Variants in SLC25A21 observed in about 807,000 individuals in gnomAD.
SLC25A21 encodes the protein mitochondrial 2-oxodicarboxylate carrier.
SLC25A21 carries 47 observed loss-of-function variants against 43.8 expected under a neutral mutation model. The observed-to-expected ratio is 1.07, with a 90% CI of 0.85 to 1.37. SLC25A21 has a LOEUF of 1.37. SLC25A21 is among the 40% of genes most tolerant of loss of function. The probability of loss-of-function intolerance (pLI) is 0.00; values close to 1 mark genes in which losing one functional copy is unlikely to be tolerated. For synonymous variants in SLC25A21, 131 were observed against 121.3 expected (o/e 1.08, Z -0.52); for missense variants, 352 against 350.2 (o/e 1.00, Z -0.04).
chr14:36,835,199 C>T (rs1889167503), intron 2 of SLC25A21, among the ~76,000 whole-genome samples: 1 of 152,196 alleles, frequency 6.6e-6, no homozygotes, highest in Admixed American at 6.5e-5. Context: ...GATAGGCTAA[C>T]CATTGCCTGA....
chr14:36,835,291 A>G (rs1190570833), intron 2 of SLC25A21, among the ~76,000 whole-genome samples: 1 of 152,160 alleles, frequency 6.6e-6, no homozygotes, highest in African/African-American at 2.4e-5. Flanking sequence ...TCCCTTTCTA[A>G]CCAAGTTCAT....
At chr14:36,957,391 C>T (rs1377377559) in intron 1 of SLC25A21, among the ~76,000 whole-genome samples, 5 of 152,202 alleles carry the variant, frequency 3.3e-5, no homozygotes, top group African/African-American at 4.8e-5. Flanking sequence ...CCCTGAGTTC[C>T]AGTCCTGGCT....
intron 3 of SLC25A21, among the ~76,000 whole-genome samples, chr14:36,767,872 T>C (rs1886472807): frequency 6.6e-6 from 1 of 152,180 alleles, no homozygotes; most frequent in Admixed American, 6.5e-5. Flanking sequence ...AAACATTGTC[T>C]CACCAGTGAG....
chr14:36,703,463 T>C (rs929299606), intron 7 of SLC25A21, among the ~76,000 whole-genome samples: 1 of 152,260 alleles, frequency 6.6e-6, no homozygotes, highest in Non-Finnish European at 1.5e-5. Flanking sequence ...CAGGTCTAAA[T>C]GGTTTATTAA....
At chr14:37,121,140 T>A (rs1001119983) in intron 1 of SLC25A21, among the ~76,000 whole-genome samples, 4 of 152,208 alleles carry the variant, frequency 2.6e-5, no homozygotes, top group African/African-American at 9.6e-5. Context: ...TTTTCAGAAC[T>A]TGCGCCAGGC....
chr14:37,170,650 C>A (rs1171490672), intron 1 of SLC25A21, among the ~76,000 whole-genome samples: 1 of 151,940 alleles, frequency 6.6e-6, no homozygotes, highest in African/African-American at 2.4e-5. Context: ...ATTATAATAA[C>A]GGGTGGTGGC....
intron 3 of SLC25A21, among the ~76,000 whole-genome samples, chr14:36,738,320 T>C (rs866778547): frequency 6.6e-6 from 1 of 152,346 alleles, no homozygotes. Context: ...AGATACTTTT[T>C]TTTTTCTGCA....
At chr14:36,769,917 T>C (rs911817081) in intron 3 of SLC25A21, among the ~76,000 whole-genome samples, 3 of 152,224 alleles carry the variant, frequency 2.0e-5, no homozygotes, top group Non-Finnish European at 4.4e-5. Context: ...GGGCCTATCA[T>C]GGATCCTTGT....
At chr14:37,168,024 G>C (rs1214264778) in intron 1 of SLC25A21, among the ~76,000 whole-genome samples, 1 of 152,018 alleles carries the variant, frequency 6.6e-6, no homozygotes, top group Admixed American at 6.6e-5. Flanking sequence ...AAATCCGCTC[G>C]GTCTAGGCAG....
rs1882062935 is a variant in SLC25A21 at position 36,679,172 on chromosome 14, C to CTTAT, written c.*1482_*1485dup. On this transcript the variant is annotated 3_prime_UTR_variant, in exon 10 of 10. Coordinates refer to ENST00000331299, the MANE Select transcript of SLC25A21 (RefSeq NM_030631.4). Reference sequence around the variant, plus strand: ...TGCAGTTGTGCAACAGAGACACATTCTTATTTCTTTTTTTTCACAATTTTG... The same window carrying CTTAT: ...TGCAGTTGTGCAACAGAGACACATTCTTATTTATTTCTTTTTTTTCACAATTTTG... 1 of 985,184 alleles carries CTTAT rather than the reference C, an allele frequency of 1.0e-6. No homozygotes were observed. Among genetic ancestry groups the CTTAT allele is most frequent in the Non-Finnish European group, 1.2e-6 (1 of 829,786 alleles). The allele number at this position is 985,184 out of a possible 1,614,324, so 61.0% of individuals were successfully genotyped here.
chr14:36,800,190 A>G (rs565764682), intron 3 of SLC25A21, among the ~76,000 whole-genome samples: 24 of 152,170 alleles, frequency 1.6e-4, no homozygotes, highest in Non-Finnish European at 3.4e-4. Flanking sequence ...ACATAGAATT[A>G]TCATATGCTC....
intron 1 of SLC25A21, among the ~76,000 whole-genome samples, chr14:37,018,611 T>C (rs1960914892): frequency 6.6e-6 from 1 of 152,018 alleles, no homozygotes; most frequent in Admixed American, 6.6e-5. Flanking sequence ...ATTACCCTTG[T>C]CTAAGTCTCC....
intron 3 of SLC25A21, among the ~76,000 whole-genome samples, chr14:36,789,268 T>G (rs1321184355): frequency 1.3e-5 from 2 of 152,118 alleles, no homozygotes; most frequent in Admixed American, 6.6e-5. Flanking sequence ...TCATTTGACA[T>G]TTGAAGTTCT....
chr14:36,787,680 T>C (rs1336198398), intron 3 of SLC25A21, among the ~76,000 whole-genome samples: 1 of 152,208 alleles, frequency 6.6e-6, no homozygotes, highest in African/African-American at 2.4e-5. Flanking sequence ...TGAGTAAATA[T>C]TGCTTTCTAG....
chr14:36,978,818 C>G (rs942654690), intron 1 of SLC25A21, among the ~76,000 whole-genome samples: 1 of 152,138 alleles, frequency 6.6e-6, no homozygotes, highest in Non-Finnish European at 1.5e-5. Context: ...AGCCATTCAC[C>G]GACTCTAAAT....
At position 37,118,185 on chromosome 14, in the gene SLC25A21, T is replaced by C. The variant is rs947063983; in HGVS notation, c.70+54096A>G. Among the ~76,000 whole-genome samples, 50 of 152,168 alleles carry C rather than the reference T, an allele frequency of 3.3e-4. 1 individual carries two copies. Among genetic ancestry groups the C allele is most frequent in the Admixed American group, 6.5e-5 (1 of 15,270 alleles). On this transcript the variant is annotated intron_variant, in intron 1 of 9. Coordinates refer to ENST00000331299, the MANE Select transcript of SLC25A21 (RefSeq NM_030631.4). ...CAGCTTCTCCAACCACTCCTGCAGATAACACCACTATTGTTAGAACCTAAG... is the reference window on the plus strand; with the variant it reads ...CAGCTTCTCCAACCACTCCTGCAGACAACACCACTATTGTTAGAACCTAAG...
At chr14:36,900,160 G>A (rs1000194032) in intron 1 of SLC25A21, among the ~76,000 whole-genome samples, 7 of 151,776 alleles carry the variant, frequency 4.6e-5, no homozygotes, top group Non-Finnish European at 1.0e-4. Context: ...GAAGCACACT[G>A]CCTCTGAAAG....
intron 1 of SLC25A21, among the ~76,000 whole-genome samples, chr14:37,084,971 G>A (rs2138842850): frequency 6.6e-6 from 1 of 152,052 alleles, no homozygotes; most frequent in East Asian, 1.9e-4. Flanking sequence ...TTTGTAACTG[G>A]CATGATAATA....
chr14:37,032,670 CAAAA>C (rs3061773), intron 1 of SLC25A21, among the ~76,000 whole-genome samples: 1 of 93,798 alleles, frequency 1.1e-5, no homozygotes, highest in Non-Finnish European at 2.1e-5. Flanking sequence ...GACTCTGTCT[CAAAA>C]AAAAAAAAAA....
Sources: gnomAD v4.1 joint callset for allele counts (sites outside exome capture counted in the v4.1 genomes callset) on GRCh38, gnomAD v4.1.1 for gene constraint, MANE v1.5 for transcripts, NCBI Gene and HGNC (gene_info 2026-07-23, HGNC 2026-07-21) for gene names.